The following CDH6 variants were observed in gnomAD, a reference collection of about 807,000 sequenced individuals.
CDH6 encodes cadherin-6.
In CDH6, 31 loss-of-function variants were observed where a neutral mutation model predicts 78.0. That is an observed-to-expected ratio of 0.40 (90% CI 0.30 to 0.54). The LOEUF (loss-of-function observed/expected upper bound fraction) is 0.54. CDH6 is among the 20% of genes least tolerant of loss of function. The pLI is 0.56. For synonymous variants in CDH6, 376 were observed against 368.8 expected, an observed-to-expected ratio of 1.02 and a Z score of -0.23; for missense variants, 724 against 975.9, an observed-to-expected ratio of 0.74 and a Z score of 3.44.
At chr5:31,320,978 TAAAA>T (rs3028833) in intron 11 of CDH6, among the ~76,000 whole-genome samples, 1 of 140,118 alleles carries the variant, frequency 7.1e-6, no homozygotes. Flanking sequence ...GATTCTGTCT[TAAAA>T]AAAAAAAAAA....
chr5:31,272,084 CT>C (rs1742544523), intron 2 of CDH6, among the ~76,000 whole-genome samples: 5 of 152,204 alleles, frequency 3.3e-5, no homozygotes, highest in Admixed American at 3.3e-4. Flanking sequence ...GCCAACCAGG[CT>C]CTGGGGGCTC....
At chr5:31,247,820 C>T (rs139100321) in intron 1 of CDH6, among the ~76,000 whole-genome samples, 1 of 152,180 alleles carries the variant, frequency 6.6e-6, no homozygotes, top group Non-Finnish European at 1.5e-5. Flanking sequence ...AGCAGTTTTC[C>T]AGGTTTATAT....
intron 6 of CDH6, among the ~76,000 whole-genome samples, chr5:31,304,608 C>A (rs771690683): frequency 6.7e-6 from 1 of 149,320 alleles, no homozygotes; most frequent in East Asian, 2.0e-4. Flanking sequence ...TCACTTGAAT[C>A]CGGGAGGCAG....
At chr5:31,215,076 G>C (rs1038576444) in intron 1 of CDH6, among the ~76,000 whole-genome samples, 2 of 152,128 alleles carry the variant, frequency 1.3e-5, no homozygotes, top group South Asian at 2.1e-4. Flanking sequence ...ACTATAATTA[G>C]AAGAAAAGTC....
At chr5:31,259,476 A>C (rs927692848) in intron 1 of CDH6, among the ~76,000 whole-genome samples, 17 of 152,146 alleles carry the variant, frequency 1.1e-4, no homozygotes, top group African/African-American at 4.1e-4. Flanking sequence ...CATCCATGCT[A>C]ATTTGTAAGA....
At chr5:31,270,218 G>A (rs532269163) in intron 2 of CDH6, among the ~76,000 whole-genome samples, 3 of 152,220 alleles carry the variant, frequency 2.0e-5, no homozygotes, top group South Asian at 2.1e-4. Flanking sequence ...AGGAAAAAAC[G>A]ATTAGACCAG....
chr5:31,266,330 G>T (rs1212148769), intron 1 of CDH6, among the ~76,000 whole-genome samples: 2 of 152,060 alleles, frequency 1.3e-5, no homozygotes, highest in Non-Finnish European at 2.9e-5. Context: ...TGACTTTTTT[G>T]TTACAGTTTG....
chr5:31,243,468 A>T (rs1194324419), intron 1 of CDH6, among the ~76,000 whole-genome samples: 3 of 152,134 alleles, frequency 2.0e-5, no homozygotes, highest in Admixed American at 6.5e-5. Context: ...TTTTAGTGAA[A>T]ATAGTTCTTT....
At chr5:31,215,091 A>G (rs930430680) in intron 1 of CDH6, among the ~76,000 whole-genome samples, 3 of 152,228 alleles carry the variant, frequency 2.0e-5, no homozygotes, top group Non-Finnish European at 4.4e-5. Flanking sequence ...AAAGTCCTTT[A>G]GTAAGCACAA....
At position 31,317,923 on chromosome 5, in the gene CDH6, A is replaced by G; in HGVS notation, c.1881A>G (p.Leu627=). 6.2e-7 allele frequency: 1 copy of G among 1,612,532 alleles called. No individual in the cohort carries two copies. The highest frequency in any genetic ancestry group is 8.5e-7 in the Non-Finnish European group (1 of 1,180,028). The change falls in exon 11 of 12, where the codon CTA becomes CTG. Residue 627 remains leucine, a splice_region_variant and synonymous_variant. Coordinates refer to ENST00000265071, the MANE Select transcript of CDH6 (RefSeq NM_004932.4). The part of the protein sequence containing the change: ...VAILLCIVIL[L]VTVVLFAALR... ...TCCTTCTGTGCATCGTGATCCTACT[A>G]GGTAAACTGGTTCTCCCTGCCTCCT...
intron 2 of CDH6, among the ~76,000 whole-genome samples, chr5:31,276,503 G>C (rs1175674291): frequency 2.0e-5 from 3 of 152,140 alleles, no homozygotes; most frequent in African/African-American, 7.2e-5. Flanking sequence ...AAGGACTTGA[G>C]GGCAGTGATA....
chr5:31,276,991 A>C (rs1742717696), intron 2 of CDH6, among the ~76,000 whole-genome samples: 1 of 152,206 alleles, frequency 6.6e-6, no homozygotes, highest in Non-Finnish European at 1.5e-5. Flanking sequence ...GAGAGAAAGA[A>C]GAGCCAAAGG....
Position 31,328,175 on chromosome 5 carries a change from CTTTT to C in CDH6, c.*4885_*4888del, listed in dbSNP as rs151043213. On this transcript the variant is annotated 3_prime_UTR_variant, in exon 12 of 12. Transcript: ENST00000265071. Reference sequence around the variant, plus strand: ...AGAGCTTTTACAAGTTGCTTAATTCCTTTTTTTTTTTTTTTTTTTTTCAAAAACC... The same window carrying C: ...AGAGCTTTTACAAGTTGCTTAATTCCTTTTTTTTTTTTTTTTTCAAAAACC... 5.5e-3 allele frequency: 666 copies of C among 121,966 alleles called. 5 individuals carry two copies. The South Asian group carries it at 0.056, about 10-fold the overall frequency. The allele number at this position is 121,966 out of a possible 1,614,324, so 7.6% of individuals were successfully genotyped here.
At chr5:31,255,846 A>G (rs1428593303) in intron 1 of CDH6, among the ~76,000 whole-genome samples, 1 of 152,254 alleles carries the variant, frequency 6.6e-6, no homozygotes, top group African/African-American at 2.4e-5. Context: ...ATAAACTTAC[A>G]TAAAACATAT....
At chr5:31,218,594 T>A (rs1338577407) in intron 1 of CDH6, among the ~76,000 whole-genome samples, 1 of 152,156 alleles carries the variant, frequency 6.6e-6, no homozygotes, top group Non-Finnish European at 1.5e-5. Flanking sequence ...AGCCCCACAT[T>A]CAGCCCATCA....
chr5:31,193,986 C>T (rs1226906352), intron 1 of CDH6, 100 bp downstream of exon 1: 2 of 4,766 alleles, frequency 4.2e-4, no homozygotes, highest in East Asian at 0.018. Flanking sequence ...CCTCTCCGCC[C>T]GGTGGGTGCC....
At chr5:31,195,538 G>T (rs1039388750) in intron 1 of CDH6, among the ~76,000 whole-genome samples, 2 of 152,148 alleles carry the variant, frequency 1.3e-5, no homozygotes, top group African/African-American at 2.4e-5. Flanking sequence ...GCATCATCCC[G>T]TGTGTAATAG....
intron 2 of CDH6, among the ~76,000 whole-genome samples, chr5:31,282,240 G>A (rs1053487999): frequency 2.6e-5 from 4 of 152,076 alleles, no homozygotes; most frequent in South Asian, 4.2e-4. Flanking sequence ...TAAAATCAAG[G>A]TGTCTGCAAG....
intron 2 of CDH6, among the ~76,000 whole-genome samples, chr5:31,287,967 G>A (rs181239267): frequency 8.5e-4 from 129 of 152,308 alleles, no homozygotes; most frequent in African/African-American, 2.9e-3. Context: ...CAGGCTGGTC[G>A]GATATGAGGT....
Sources: gnomAD v4.1 joint callset for allele counts (sites outside exome capture counted in the v4.1 genomes callset) on GRCh38, gnomAD v4.1.1 for gene constraint, MANE v1.5 for transcripts, NCBI Gene and HGNC (gene_info 2026-07-23, HGNC 2026-07-21) for gene names.